SNCAIP: variants seen among roughly 807,000 people sequenced by gnomAD.
SNCAIP encodes the protein synuclein alpha interacting protein, also known as synphilin-1.
In SNCAIP, 43 loss-of-function variants were observed where a neutral mutation model predicts 86.7. The ratio of observed to expected loss-of-function variants is 0.50; its 90% CI spans 0.39 to 0.64. The LOEUF (loss-of-function observed/expected upper bound fraction) is 0.64, where lower values mean the gene tolerates loss of function less well. Among genes scored for constraint, SNCAIP ranks in the 30% least tolerant of loss-of-function variants. The probability of loss-of-function intolerance (pLI) is 0.00; values close to 1 mark genes in which losing one functional copy is unlikely to be tolerated. For missense variants in SNCAIP, 981 were observed against 1,103.1 expected, an observed-to-expected ratio of 0.89 and a Z score of 1.57; for synonymous variants, 417 against 427.2, an observed-to-expected ratio of 0.98 and a Z score of 0.29.
intron 1 of SNCAIP, among the ~76,000 whole-genome samples, chr5:122,341,742 G>A (rs963517008): frequency 1.3e-5 from 2 of 152,252 alleles, no homozygotes; most frequent in South Asian, 2.1e-4. Context: ...AGGAAACGCC[G>A]TTGTTTTGAG....
chr5:122,435,732 A>G (rs1240378640), intron 6 of SNCAIP, among the ~76,000 whole-genome samples: 1 of 152,142 alleles, frequency 6.6e-6, no homozygotes, highest in Non-Finnish European at 1.5e-5. Context: ...GCAGTGGTAG[A>G]CATGCTGGTG....
chr5:122,408,941 T>C (rs1773565155), intron 3 of SNCAIP, among the ~76,000 whole-genome samples: 2 of 152,214 alleles, frequency 1.3e-5, no homozygotes, highest in Non-Finnish European at 2.9e-5. Flanking sequence ...CACAAAGTTC[T>C]AGAGCTAACA....
intron 6 of SNCAIP, among the ~76,000 whole-genome samples, chr5:122,432,778 A>G (rs1339955362): frequency 6.6e-6 from 1 of 152,184 alleles, no homozygotes; most frequent in Middle Eastern, 3.4e-3. Context: ...AAAAATTACT[A>G]CCTCCCTTTG....
intron 1 of SNCAIP, among the ~76,000 whole-genome samples, chr5:122,320,899 G>A (rs559860144): frequency 1.4e-4 from 22 of 152,224 alleles, no homozygotes; most frequent in East Asian, 3.9e-4. Flanking sequence ...AAATGAGTCC[G>A]GCAGGCAAGC....
intron 2 of SNCAIP, among the ~76,000 whole-genome samples, chr5:122,394,969 C>T (rs1340651728): frequency 6.6e-6 from 1 of 152,134 alleles, no homozygotes; most frequent in African/African-American, 2.4e-5. Flanking sequence ...AGGGCCAGGA[C>T]CTAAATGCAG....
At chr5:122,324,579 C>A (rs1366313843) in intron 1 of SNCAIP, among the ~76,000 whole-genome samples, 1 of 152,188 alleles carries the variant, frequency 6.6e-6, no homozygotes, top group Non-Finnish European at 1.5e-5. Context: ...AGTTTTAAGG[C>A]TTATTCCATT....
intron 1 of SNCAIP, among the ~76,000 whole-genome samples, chr5:122,331,063 C>A (rs1251806311): frequency 6.6e-6 from 1 of 152,052 alleles, no homozygotes; most frequent in South Asian, 2.1e-4. Flanking sequence ...GCTGATCTGA[C>A]GGGAGGTGGC....
chr5:122,346,867 C>A (rs1758712963), intron 1 of SNCAIP, among the ~76,000 whole-genome samples: 1 of 151,226 alleles, frequency 6.6e-6, no homozygotes, highest in Non-Finnish European at 1.5e-5. Flanking sequence ...CTTTTGGTAG[C>A]CACATAAAAG....
At chr5:122,448,491 A>T (rs1282275009) in intron 8 of SNCAIP, among the ~76,000 whole-genome samples, 6 of 150,128 alleles carry the variant, frequency 4.0e-5, no homozygotes, top group East Asian at 1.9e-4. Flanking sequence ...TAATTAAAAA[A>T]TTTTTTAATT....
chr5:122,367,288 T>C (rs190642906), intron 1 of SNCAIP, among the ~76,000 whole-genome samples: 10 of 152,294 alleles, frequency 6.6e-5, no homozygotes, highest in Admixed American at 1.3e-4. Context: ...CCAGGTGTGA[T>C]TGGATTTAGT....
intron 1 of SNCAIP, among the ~76,000 whole-genome samples, chr5:122,380,184 T>C (rs1479307855): frequency 6.6e-6 from 1 of 152,196 alleles, no homozygotes; most frequent in Admixed American, 6.5e-5. Flanking sequence ...CTCTTTTTGG[T>C]TGGTAAACTA....
intron 10 of SNCAIP, among the ~76,000 whole-genome samples, chr5:122,457,804 A>T (rs2153027097): frequency 6.6e-6 from 1 of 152,344 alleles, no homozygotes; most frequent in African/African-American, 2.4e-5. Context: ...ATTAAGCGAC[A>T]GTTCCTTCTT....
intron 5 of SNCAIP, among the ~76,000 whole-genome samples, chr5:122,431,165 A>G (rs1003579282): frequency 1.3e-5 from 2 of 152,142 alleles, no homozygotes; most frequent in South Asian, 2.1e-4. Flanking sequence ...TGGTGGTGAT[A>G]TAAAGTGGGC....
At chr5:122,346,084 A>G (rs1758571269) in intron 1 of SNCAIP, among the ~76,000 whole-genome samples, 1 of 152,180 alleles carries the variant, frequency 6.6e-6, no homozygotes, top group South Asian at 2.1e-4. Context: ...TTGTTCAATT[A>G]ATAGACATAT....
chr5:122,344,142 C>T (rs1758134132), intron 1 of SNCAIP, among the ~76,000 whole-genome samples: 1 of 152,128 alleles, frequency 6.6e-6, no homozygotes, highest in African/African-American at 2.4e-5. Flanking sequence ...TGTTCTCCTC[C>T]TCCGCTAAAA....
chr5:122,450,790 C>T lies in SNCAIP; in HGVS notation c.1943C>T (p.Ser648Phe). 6.2e-7 allele frequency: 1 copy of T among 1,614,142 alleles called. No homozygotes were observed. The highest frequency in any genetic ancestry group is 1.1e-5 in the South Asian group (1 of 91,090). The change falls in exon 10 of 11, where the codon TCC becomes TTC. Residue 648 changes from serine (S) to phenylalanine (F), a missense_variant. By Grantham distance (155) the Ser-to-Phe change is radical. Coordinates refer to ENST00000261368, the MANE Select transcript of SNCAIP (RefSeq NM_005460.4). ...LSLEFQDAQA[S>F]SRNSKKIPLE... The stretch of plus-strand genomic sequence containing the variant: ...TTGGAATTCCAGGATGCTCAGGCTT[C>T]CTCTAGAAATTCTAAAAAGATCCCA...
chr5:122,438,264 T>C (rs1042297172), intron 6 of SNCAIP, among the ~76,000 whole-genome samples: 1 of 152,200 alleles, frequency 6.6e-6, no homozygotes, highest in Non-Finnish European at 1.5e-5. Flanking sequence ...TCTCCACATC[T>C]CAGTGTGGGT....
At chr5:122,427,587 G>A (rs922653967) in intron 5 of SNCAIP, among the ~76,000 whole-genome samples, 20 of 152,000 alleles carry the variant, frequency 1.3e-4, no homozygotes, top group African/African-American at 4.6e-4. Flanking sequence ...CGCATATTTT[G>A]TCTCAGTCCA....
intron 1 of SNCAIP, among the ~76,000 whole-genome samples, chr5:122,330,041 A>G (rs1754930685): frequency 6.6e-6 from 1 of 151,620 alleles, no homozygotes; most frequent in Non-Finnish European, 1.5e-5. Context: ...AAACAGAAGC[A>G]TGTGCCACTA....
Sources: allele counts gnomAD v4.1 joint callset (sites outside exome capture counted in the v4.1 genomes callset), GRCh38; gene constraint gnomAD v4.1.1; transcripts MANE v1.5; gene names NCBI Gene and HGNC (gene_info 2026-07-23, HGNC 2026-07-21).